Variants in GPRIN1 observed in about 807,000 individuals in gnomAD.
GPRIN1 encodes the protein G protein-regulated inducer of neurite outgrowth 1.
A neutral mutation model predicts 2.8 loss-of-function variants in GPRIN1; 4 were observed. The ratio of observed to expected loss-of-function variants is 1.45; its 90% CI spans 0.71 to 3.32. The LOEUF is 3.32. GPRIN1 is among the 30% of genes most tolerant of loss of function. The pLI is 0.01. For synonymous variants in GPRIN1, 589 were observed against 589.9 expected, an observed-to-expected ratio of 1.00 and a Z score of 0.02; for missense variants, 1,322 against 1,343.4, an observed-to-expected ratio of 0.98 and a Z score of 0.25.
Position 176,596,686 on chromosome 5 carries a change from C to T in GPRIN1, c.*122G>A. 2 of 776,560 alleles carry T rather than the reference C, an allele frequency of 2.6e-6. No individual in the cohort carries two copies. Among genetic ancestry groups the T allele is most frequent in the Non-Finnish European group, 3.5e-6 (2 of 578,494 alleles). The allele number at this position is 776,560 out of a possible 1,614,324, so 48.1% of individuals were successfully genotyped here. A position where few individuals can be genotyped will look rare whatever the true frequency, so the allele number is the denominator to read the frequency against. Reference sequence around the variant, plus strand: ...GGCTGGAAAGACGGGGACGCAACAGCCCTAGAGGCTGCACAACCCCTCGGA... The same window carrying T: ...GGCTGGAAAGACGGGGACGCAACAGTCCTAGAGGCTGCACAACCCCTCGGA... On this transcript the variant is annotated 3_prime_UTR_variant, in exon 2 of 2. Transcript: ENST00000303991. The surrounding 1 kb of genome is among the most constrained non-coding windows in gnomAD (Gnocchi z 5.2).
In GPRIN1 at chr5:176,596,747, C is replaced by T. The variant is rs1759040438; in HGVS notation, c.*61G>A. On this transcript the variant is annotated 3_prime_UTR_variant, in exon 2 of 2. Coordinates refer to ENST00000303991, the MANE Select transcript of GPRIN1 (RefSeq NM_052899.3). This position sits in a 1 kb window ranked among gnomAD's most constrained non-coding sequence, Gnocchi z 5.2. Reference sequence around the variant, plus strand: ...ACGCAGAGGGGACCCCTTCTAGGGGCCTGTGATCAAGAAGGGAGCCTGAGA... The same window carrying T: ...ACGCAGAGGGGACCCCTTCTAGGGGTCTGTGATCAAGAAGGGAGCCTGAGA... 3 of 1,341,774 alleles carry T rather than the reference C, an allele frequency of 2.2e-6. No homozygotes were observed. Among genetic ancestry groups the T allele is most frequent in the African/African-American group, 1.5e-5 (1 of 65,838 alleles). 83.1% of individuals were successfully genotyped at this position (1,341,774 alleles called of 1,614,324 possible). A position where few individuals can be genotyped will look rare whatever the true frequency, so the allele number is the denominator to read the frequency against.
Position 176,597,231 on chromosome 5 carries a change from C to T in GPRIN1, c.2604G>A (p.Thr868=), listed in dbSNP as rs1759054641. Residue 868 remains threonine (T), a synonymous_variant, in exon 2 of 2, where the codon ACG becomes ACA. Transcript: ENST00000303991. This position sits in a 1 kb window ranked among gnomAD's most constrained non-coding sequence, Gnocchi z 6.1. ...TCATGGGCCCAGTGGCCACGGAGCG[C>T]GTCTCGGCGGCGCCCAGCGACACCT... ...GLQVSLGAAE[T]RSVATGPMTP... 8.0e-7 allele frequency: 1 copy of T among 1,257,360 alleles called. No homozygotes were observed. The highest frequency in any genetic ancestry group is 1.0e-6 in the Non-Finnish European group (1 of 1,002,388). The allele number at this position is 1,257,360 out of a possible 1,614,324, so 77.9% of individuals were successfully genotyped here.
At chr5:176,607,840 G>A (rs1247156850) in intron 1 of GPRIN1, among the ~76,000 whole-genome samples, 6 of 145,600 alleles carry the variant, frequency 4.1e-5, no homozygotes, top group Non-Finnish European at 7.5e-5. Context: ...GTAGCTCAAA[G>A]CCAGTTGTGC....
In GPRIN1 at chr5:176,605,632, G is replaced by A. The variant is rs548771784; in HGVS notation, c.-44+4367C>T. ...AGCATGGGCAACACGGCAAGATCCC[G>A]TCTCTACAAAAACTTTAAATTAAAA... On this transcript the variant is annotated intron_variant, in intron 1 of 1. Coordinates refer to ENST00000303991, the MANE Select transcript of GPRIN1 (RefSeq NM_052899.3). Among the ~76,000 whole-genome samples the A allele has an allele frequency of 8.5e-4, 129 of 151,780 alleles. 1 individual carries two copies. Among genetic ancestry groups the A allele is most frequent in the African/African-American group, 1.5e-3 (61 of 41,408 alleles).
chr5:176,597,598 C>T lies in GPRIN1; in HGVS notation c.2237G>A (p.Gly746Asp), dbSNP rs753821801. ...RSPEGARGSE[G>D]RVEPKAEPVS... ...GGGCTCGGCCTTCGGCTCCACGCGG[C>T]CTTCACTGCCCCTGGCACCCTCGGG... Residue 746 changes from glycine to aspartate, a missense_variant, in exon 2 of 2, where the codon GGC (glycine) becomes GAC (aspartate). Gly to Asp is a moderately conservative substitution (Grantham distance 94). Around this residue, in one of 3 missense-constraint regions of GPRIN1, gnomAD observed 1,117 missense variants for 1,128.6 expected, o/e 0.99. Coordinates refer to ENST00000303991, the MANE Select transcript of GPRIN1 (RefSeq NM_052899.3). The surrounding 1 kb of genome is among the most constrained non-coding windows in gnomAD (Gnocchi z 6.1). 1 of 1,598,254 alleles carries T rather than the reference C, an allele frequency of 6.3e-7. No homozygotes were observed. The highest frequency in any genetic ancestry group is 8.5e-7 in the Non-Finnish European group (1 of 1,178,410).
intron 1 of GPRIN1, among the ~76,000 whole-genome samples, chr5:176,604,412 G>A (rs2113352729): frequency 6.6e-6 from 1 of 152,286 alleles, no homozygotes; most frequent in South Asian, 2.1e-4. Flanking sequence ...TTGAGACAAT[G>A]TCTCACTCTG....
rs774073982 is a variant in GPRIN1, at chr5:176,598,074, C to T, written c.1761G>A (p.Ser587=). The change falls in exon 2 of 2, where the codon TCG becomes TCA. Residue 587 remains serine, a synonymous_variant. Coordinates refer to ENST00000303991, the MANE Select transcript of GPRIN1 (RefSeq NM_052899.3). ...STPGKTVPVP[S]GKVDPVSLGK... is the part of the protein sequence containing the mutation. Reference sequence around the variant, plus strand: ...CCAGGGACACGGGATCCACCTTCCCCGAGGGCACCGGGACTGTTTTTCCTG... The same window carrying T: ...CCAGGGACACGGGATCCACCTTCCCTGAGGGCACCGGGACTGTTTTTCCTG... 13 of 1,613,812 alleles carry T rather than the reference C, an allele frequency of 8.1e-6. No homozygotes were observed. The highest frequency in any genetic ancestry group is 2.2e-5 in the East Asian group (1 of 44,882).
At position 176,595,876 on chromosome 5, in the gene GPRIN1, G is replaced by A. The variant is rs906577104; in HGVS notation, c.*932C>T. The A allele has an allele frequency of 6.3e-6, 3 of 472,770 alleles. No homozygotes were observed. The highest frequency in any genetic ancestry group is 4.0e-5 in the Admixed American group (1 of 24,892). The allele number at this position is 472,770 out of a possible 1,614,324, so 29.3% of individuals were successfully genotyped here. A position where few individuals can be genotyped will look rare whatever the true frequency, so the allele number is the denominator to read the frequency against. ...AAACTGCGGCTGGAGGGGTGGGGAC[G>A]GGACACTGAGTGGTCACAAGGGACT... On this transcript the variant is annotated 3_prime_UTR_variant, in exon 2 of 2. Transcript: ENST00000303991.
At chr5:176,604,299 G>C (rs1007555752) in intron 1 of GPRIN1, among the ~76,000 whole-genome samples, 1 of 152,210 alleles carries the variant, frequency 6.6e-6, no homozygotes, top group Non-Finnish European at 1.5e-5. Flanking sequence ...GAGTCGGAAA[G>C]GGGGTGGCAG....
Position 176,595,871 on chromosome 5 carries a change from G to T in GPRIN1, c.*937C>A. ...GCCAAAAACTGCGGCTGGAGGGGTG[G>T]GGACGGGACACTGAGTGGTCACAAG... On this transcript the variant is annotated 3_prime_UTR_variant, in exon 2 of 2. Coordinates refer to ENST00000303991, the MANE Select transcript of GPRIN1 (RefSeq NM_052899.3). 2.0e-6 allele frequency: 1 copy of T among 491,010 alleles called. No individual in the cohort carries two copies. The highest frequency in any genetic ancestry group is 4.1e-5 in the South Asian group (1 of 24,398). 30.4% of individuals were successfully genotyped at this position (491,010 alleles called of 1,614,324 possible).
rs151033343 is a variant in GPRIN1, at chr5:176,602,084, C to G, written c.-43-2207G>C. Among the ~76,000 whole-genome samples, 282 of 152,304 alleles carry G rather than the reference C, an allele frequency of 1.9e-3. 1 individual carries two copies. Among genetic ancestry groups the G allele is most frequent in the South Asian group, 0.015 (74 of 4,818 alleles). On this transcript the variant is annotated intron_variant, in intron 1 of 1. Coordinates refer to ENST00000303991, the MANE Select transcript of GPRIN1 (RefSeq NM_052899.3). The surrounding 1 kb of genome is among the most constrained non-coding windows in gnomAD (Gnocchi z 4.4). ...CTCTGCCCTTTCTGCTGCTGCTCTC[C>G]CTCTCCCTCACGCTGCTTCAGCCAC...
rs1324929973 is a variant in GPRIN1, at chr5:176,599,755, A to T, written c.80T>A (p.Phe27Tyr). The T allele has an allele frequency of 2.0e-6, 3 of 1,533,060 alleles. No homozygotes were observed. The African/African-American group carries it at 4.2e-5, about 21-fold the overall frequency. The allele number at this position is 1,533,060 out of a possible 1,614,324, so 95.0% of individuals were successfully genotyped here. Residue 27 changes from phenylalanine to tyrosine, a missense_variant, in exon 2 of 2, where the codon TTC (phenylalanine) becomes TAC (tyrosine). Transcript: ENST00000303991. The stretch of plus-strand genomic sequence containing the variant: ...CAGGCTCCCATCCTGTGGGCAGAAG[A>T]AGGCTGTGGGTCGGGGTCCTGGGGG... ...SSPPGPRPTAFFCPQDGSLGA... is the reference protein window; with the variant it reads ...SSPPGPRPTAYFCPQDGSLGA...
rs895037575 is a variant in GPRIN1, at chr5:176,602,797, G to A, written c.-43-2920C>T. ...CTGTGGGACAACCACGCAGAGCACCGGGCAGCTACTAGAAGGTGTGGGGTA... is the reference window on the plus strand; with the variant it reads ...CTGTGGGACAACCACGCAGAGCACCAGGCAGCTACTAGAAGGTGTGGGGTA... On this transcript the variant is annotated intron_variant, in intron 1 of 1. Transcript: ENST00000303991. This position sits in a 1 kb window ranked among gnomAD's most constrained non-coding sequence, Gnocchi z 4.4. Among the ~76,000 whole-genome samples, 9 of 152,086 alleles carry A rather than the reference G, an allele frequency of 5.9e-5. No individual in the cohort carries two copies. Among genetic ancestry groups the A allele is most frequent in the African/African-American group, 2.2e-4 (9 of 41,406 alleles).
chr5:176,597,957 G>C lies in GPRIN1; in HGVS notation c.1878C>G (p.Ala626=). Residue 626 remains alanine, a synonymous_variant, in exon 2 of 2, where the codon GCC becomes GCG. Transcript: ENST00000303991. The surrounding 1 kb of genome is among the most constrained non-coding windows in gnomAD (Gnocchi z 6.1). ...CAGACTGCGGCTGTGCTTTCCCCGA[G>C]GCCCTGGGATCCGCCTTTGTGGTGG... The part of the protein sequence containing the change: ...PVTTTKADPR[A]SGKAQPQSGG... 1.2e-6 allele frequency: 2 copies of C among 1,614,050 alleles called. No individual in the cohort carries two copies. Among genetic ancestry groups the C allele is most frequent in the Non-Finnish European group, 8.5e-7 (1 of 1,180,034 alleles).
At chr5:176,604,265 A>C (rs1424564942) in intron 1 of GPRIN1, among the ~76,000 whole-genome samples, 2 of 152,182 alleles carry the variant, frequency 1.3e-5, no homozygotes, top group Admixed American at 1.3e-4. Context: ...TTACCATCTG[A>C]GCCAGCCATG....
rs1035803688 is a variant in GPRIN1 at position 176,610,151 on chromosome 5, T to TCCCGCCCCGCGC, written c.-197_-196insGCGCGGGGCGGG. 3 of 147,392 alleles carry TCCCGCCCCGCGC rather than the reference T, an allele frequency of 2.0e-5. No homozygotes were observed. The highest frequency in any genetic ancestry group is 4.5e-5 in the Non-Finnish European group (3 of 66,162). The allele number at this position is 147,392 out of a possible 1,614,324, so 9.1% of individuals were successfully genotyped here. A position where few individuals can be genotyped will look rare whatever the true frequency, so the allele number is the denominator to read the frequency against. ...GCCGTCCCCAGCGCCGGCTCCGCGCTCCCGCCCCGCGCCCCGCCCCGGGCA... is the reference window on the plus strand; with the variant it reads ...GCCGTCCCCAGCGCCGGCTCCGCGCTCCCGCCCCGCGCCCCGCCCCGCGCCCCGCCCCGGGCA... On this transcript the variant is annotated 5_prime_UTR_variant, in exon 1 of 2. Coordinates refer to ENST00000303991, the MANE Select transcript of GPRIN1 (RefSeq NM_052899.3).
In GPRIN1 at chr5:176,598,807, C is replaced by T. The variant is rs1306339101; in HGVS notation, c.1028G>A (p.Gly343Glu). ...SSGTGAPGSLGRLDPTCLGMA... is the reference protein window; with the variant it reads ...SSGTGAPGSLERLDPTCLGMA... Reference sequence around the variant, plus strand: ...CCCCAAGCATGTGGGATCCAGCCTTCCCAAGGACCCAGGAGCCCCGGTCCC... The same window carrying T: ...CCCCAAGCATGTGGGATCCAGCCTTTCCAAGGACCCAGGAGCCCCGGTCCC... The change falls in exon 2 of 2, where the codon GGA becomes GAA. Residue 343 changes from glycine (G) to glutamate (E), a missense_variant. Physicochemically the swap from Gly to Glu is moderately conservative, Grantham distance 98. Around this residue, in one of 3 missense-constraint regions of GPRIN1, gnomAD observed 1,117 missense variants for 1,128.6 expected, o/e 0.99. Transcript: ENST00000303991. 6.2e-7 allele frequency: 1 copy of T among 1,613,880 alleles called. No individual in the cohort carries two copies. Among genetic ancestry groups the T allele is most frequent in the East Asian group, 2.2e-5 (1 of 44,882 alleles).
intron 1 of GPRIN1, among the ~76,000 whole-genome samples, chr5:176,605,149 A>G (rs1218608001): frequency 6.8e-6 from 1 of 148,126 alleles, no homozygotes; most frequent in Non-Finnish European, 1.5e-5. Flanking sequence ...GCTGGAGTGC[A>G]GTGGTACAAT....
intron 1 of GPRIN1, among the ~76,000 whole-genome samples, chr5:176,607,678 T>C (rs1434384689): frequency 6.6e-6 from 1 of 151,870 alleles, no homozygotes; most frequent in Non-Finnish European, 1.5e-5. Context: ...CCCACAACAA[T>C]CTCATGAGGG....
Sources: allele counts gnomAD v4.1 joint callset (sites outside exome capture counted in the v4.1 genomes callset), GRCh38; gene constraint gnomAD v4.1.1; regional missense constraint gnomAD v4.1.1; non-coding constraint Gnocchi (gnomAD v3.1); transcripts MANE v1.5; gene names NCBI Gene and HGNC (gene_info 2026-07-23, HGNC 2026-07-21).